Variants in CLSTN2 observed in about 807,000 individuals in gnomAD.
CLSTN2 encodes calsyntenin 2, also known as calsyntenin-2.
Under a neutral mutation model 101.2 loss-of-function variants are expected in CLSTN2, and 48 were observed. That is an observed-to-expected ratio of 0.47 (90% confidence interval 0.38 to 0.60). CLSTN2 has a LOEUF of 0.60. Ranked by LOEUF, CLSTN2 falls within the 20% of genes least tolerant of loss-of-function variation. The probability of loss-of-function intolerance (pLI) is 0.00; values close to 1 mark genes in which losing one functional copy is unlikely to be tolerated. For missense variants in CLSTN2, 1,160 were observed against 1,238.2 expected (o/e 0.94, Z 0.95); for synonymous variants, 481 against 463.6 (o/e 1.04, Z -0.48).
chr3:140,053,939 A>T (rs534698705), intron 1 of CLSTN2, among the ~76,000 whole-genome samples: 1 of 152,252 alleles, frequency 6.6e-6, no homozygotes, highest in East Asian at 1.9e-4. Context: ...CTGTAGGCAC[A>T]TGTTTGCCAG....
At position 140,184,821 on chromosome 3, in the gene CLSTN2, T is replaced by C. The variant is rs142826947; in HGVS notation, c.232+8748T>C. ...ATGGCATCTGGCTTAAAGATCAATA[T>C]TTTGTGATCCTTATCAGAACTGGAT... On this transcript the variant is annotated intron_variant, in intron 2 of 16. Transcript: ENST00000458420. Among the ~76,000 whole-genome samples, 234 of 152,240 alleles carry C rather than the reference T, an allele frequency of 1.5e-3. 4 individuals are homozygous for C. The East Asian group carries it at 0.044, about 29-fold the overall frequency.
At chr3:140,155,632 A>T (rs1325931052) in intron 1 of CLSTN2, among the ~76,000 whole-genome samples, 4 of 152,190 alleles carry the variant, frequency 2.6e-5, no homozygotes, top group African/African-American at 9.6e-5. Flanking sequence ...GGTCTAGGTT[A>T]TTCTGAGTAT....
chr3:140,013,430 G>A (rs1474489024), intron 1 of CLSTN2, among the ~76,000 whole-genome samples: 1 of 152,202 alleles, frequency 6.6e-6, no homozygotes, highest in East Asian at 1.9e-4. Flanking sequence ...TGGCTCACAA[G>A]GATCCGGAGT....
At chr3:140,425,168 A>C (rs1009396894) in intron 5 of CLSTN2, among the ~76,000 whole-genome samples, 1 of 152,030 alleles carries the variant, frequency 6.6e-6, no homozygotes. Flanking sequence ...AAGAGCTCCC[A>C]CCTCCCCCAA....
At chr3:140,445,050 A>G (rs1405047504) in intron 5 of CLSTN2, among the ~76,000 whole-genome samples, 3 of 152,288 alleles carry the variant, frequency 2.0e-5, no homozygotes, top group East Asian at 1.9e-4. Context: ...CTTTTACTAT[A>G]TGGTTGCAAT....
Position 140,558,623 on chromosome 3 carries a change from C to G in CLSTN2, c.1824-17C>G, listed in dbSNP as rs41265461. 6.2e-7 allele frequency: 1 copy of G among 1,604,256 alleles called. No homozygotes were observed. Among genetic ancestry groups the G allele is most frequent in the Non-Finnish European group, 8.5e-7 (1 of 1,171,980 alleles). ...ATTGTTTGCTCATCAGTGCCATGAC[C>G]GAGAATGTTTTCCCAGGTGCTTTGG... On this transcript the variant is annotated splice_polypyrimidine_tract_variant and intron_variant, in intron 11 of 16. Transcript: ENST00000458420.
intron 1 of CLSTN2, among the ~76,000 whole-genome samples, chr3:139,989,730 T>C (rs920632159): frequency 2.6e-5 from 4 of 152,234 alleles, no homozygotes; most frequent in African/African-American, 9.6e-5. Context: ...CACCTCTACC[T>C]GCCACCACCC....
intron 2 of CLSTN2, among the ~76,000 whole-genome samples, chr3:140,341,555 T>C (rs1160818400): frequency 6.6e-6 from 1 of 152,226 alleles, no homozygotes. Context: ...TAAATCTTGC[T>C]GAAGAAGAAG....
chr3:140,559,549 TGGCGGGGGTCAGGGG>T (rs1218830800), intron 12 of CLSTN2, among the ~76,000 whole-genome samples: 17 of 4,032 alleles, frequency 4.2e-3, no homozygotes, highest in Admixed American at 0.026. Context: ...TATATGCTGG[TGGCGGGGGTCAGGGG>T]GGCGGGGAAG....
chr3:140,338,577 T>C (rs1227700940), intron 2 of CLSTN2, among the ~76,000 whole-genome samples: 2 of 152,084 alleles, frequency 1.3e-5, no homozygotes, highest in Admixed American at 6.6e-5. Context: ...CCCCCCGGCC[T>C]CAGTAGTGCT....
chr3:140,376,271 T>C (rs1261522228), intron 2 of CLSTN2, among the ~76,000 whole-genome samples: 1 of 152,220 alleles, frequency 6.6e-6, no homozygotes, highest in African/African-American at 2.4e-5. Context: ...AGTTTTCAAC[T>C]TCTAACCTTC....
At chr3:140,273,447 A>G (rs1168419914) in intron 2 of CLSTN2, among the ~76,000 whole-genome samples, 1 of 152,204 alleles carries the variant, frequency 6.6e-6, no homozygotes, top group Non-Finnish European at 1.5e-5. Flanking sequence ...TTCTCACAAC[A>G]ATGTTAGAGC....
intron 2 of CLSTN2, among the ~76,000 whole-genome samples, chr3:140,296,983 C>T (rs1018757995): frequency 1.3e-5 from 2 of 152,202 alleles, no homozygotes; most frequent in African/African-American, 4.8e-5. Context: ...GGTGGATGGT[C>T]AGACAGACAG....
At chr3:140,501,020 G>C (rs769546209) in intron 8 of CLSTN2, among the ~76,000 whole-genome samples, 1 of 151,886 alleles carries the variant, frequency 6.6e-6, no homozygotes, top group East Asian at 1.9e-4. Context: ...TTGAGTGTTC[G>C]GGTGAAGGGA....
At chr3:140,157,030 C>T (rs1464277729) in intron 1 of CLSTN2, among the ~76,000 whole-genome samples, 2 of 152,060 alleles carry the variant, frequency 1.3e-5, no homozygotes, top group African/African-American at 2.4e-5. Flanking sequence ...GAGGTCTTGC[C>T]CCTGCCCTTT....
intron 1 of CLSTN2, among the ~76,000 whole-genome samples, chr3:140,163,086 A>G (rs569875520): frequency 7.9e-5 from 12 of 152,170 alleles, no homozygotes; most frequent in Non-Finnish European, 1.2e-4. Flanking sequence ...TTAGTTTGTG[A>G]TATGTCAAAT....
At chr3:140,550,669 AG>A (rs1935684055) in intron 10 of CLSTN2, among the ~76,000 whole-genome samples, 2 of 152,018 alleles carry the variant, frequency 1.3e-5, no homozygotes, top group South Asian at 4.2e-4. Flanking sequence ...TGGGCTCAAA[AG>A]TCATGCCTTT....
At chr3:140,241,876 T>TACAC (rs747382201) in intron 2 of CLSTN2, among the ~76,000 whole-genome samples, 3,474 of 139,956 alleles carry the variant, frequency 0.025, 91 homozygotes, top group African/African-American at 0.065. Flanking sequence ...TACACATATA[T>TACAC]ATATACACAC....
intron 1 of CLSTN2, among the ~76,000 whole-genome samples, chr3:139,988,840 A>G (rs1045408885): frequency 6.6e-6 from 1 of 152,258 alleles, no homozygotes; most frequent in Admixed American, 6.5e-5. Context: ...AGAAATTTTT[A>G]TTTGAACAAA....
Sources: allele counts gnomAD v4.1 joint callset (sites outside exome capture counted in the v4.1 genomes callset), GRCh38; gene constraint gnomAD v4.1.1; transcripts MANE v1.5; gene names NCBI Gene and HGNC (gene_info 2026-07-23, HGNC 2026-07-21).